Variants in RAPGEF6 observed in about 807,000 individuals in gnomAD.
RAPGEF6 encodes the protein PDZ domain containing guanine nucleotide exchange factor (GEF) 2.
A neutral mutation model predicts 171.4 loss-of-function variants in RAPGEF6; 56 were observed. That is an observed-to-expected ratio of 0.33 (90% confidence interval 0.26 to 0.41). The LOEUF is 0.41. RAPGEF6 is among the 10% of genes least tolerant of loss of function. The pLI is 1.00. For synonymous variants in RAPGEF6, 692 were observed against 650.1 expected, an observed-to-expected ratio of 1.06 and a Z score of -0.98; for missense variants, 1,674 against 1,921.4, an observed-to-expected ratio of 0.87 and a Z score of 2.41.
At chr5:131,632,680 T>C (rs1284813650) in intron 1 of RAPGEF6, among the ~76,000 whole-genome samples, 2 of 152,202 alleles carry the variant, frequency 1.3e-5, no homozygotes, top group Admixed American at 6.5e-5. Context: ...ACTATAGAGC[T>C]AATATATTCA....
At chr5:131,621,338 G>A (rs1765580445) in intron 1 of RAPGEF6, among the ~76,000 whole-genome samples, 1 of 151,872 alleles carries the variant, frequency 6.6e-6, no homozygotes, top group South Asian at 2.1e-4. Context: ...TGCCCAGGCT[G>A]AAGTGCAGTG....
At chr5:131,602,890 A>G (rs749474815) in intron 3 of RAPGEF6, among the ~76,000 whole-genome samples, 1 of 152,186 alleles carries the variant, frequency 6.6e-6, no homozygotes, top group Non-Finnish European at 1.5e-5. Flanking sequence ...ACACATACAA[A>G]AACAGAAAAA....
At chr5:131,554,391 T>G (rs1761104260) in intron 5 of RAPGEF6, among the ~76,000 whole-genome samples, 1 of 152,152 alleles carries the variant, frequency 6.6e-6, no homozygotes, top group Non-Finnish European at 1.5e-5. Flanking sequence ...ATTAAATACG[T>G]GGTTAAATAG....
intron 6 of RAPGEF6, among the ~76,000 whole-genome samples, chr5:131,528,480 G>A (rs1759141877): frequency 6.6e-6 from 1 of 150,400 alleles, no homozygotes; most frequent in South Asian, 2.1e-4. Flanking sequence ...GAAACTACAA[G>A]AGAAACATGG....
At chr5:131,612,150 T>G (rs1032952631) in intron 1 of RAPGEF6, among the ~76,000 whole-genome samples, 1 of 151,902 alleles carries the variant, frequency 6.6e-6, no homozygotes, top group Non-Finnish European at 1.5e-5. Flanking sequence ...TCCTCCCACG[T>G]TGGCCTTCCA....
intron 1 of RAPGEF6, among the ~76,000 whole-genome samples, chr5:131,618,926 T>C (rs1414367305): frequency 6.6e-6 from 1 of 151,932 alleles, no homozygotes; most frequent in African/African-American, 2.4e-5. Flanking sequence ...CTATGCAGTT[T>C]CTCAACAAAA....
chr5:131,634,839 C>T, intron 1 of RAPGEF6, 123 bp downstream of exon 1: 2 of 1,147,162 alleles, frequency 1.7e-6, no homozygotes, highest in Non-Finnish European at 2.6e-6. Flanking sequence ...GAGACTCAAG[C>T]GAACAGATTC....
At chr5:131,556,220 A>ACCTGAGGTGAT (rs1761228328) in intron 5 of RAPGEF6, among the ~76,000 whole-genome samples, 1 of 152,290 alleles carries the variant, frequency 6.6e-6, no homozygotes, top group East Asian at 1.9e-4. Context: ...TGGGTGGATC[A>ACCTGAGGTGAT]CCTGAGGTCA....
chr5:131,464,912 C>A (rs10068494), intron 17 of RAPGEF6, among the ~76,000 whole-genome samples: 4,681 of 152,226 alleles, frequency 0.031, 189 homozygotes, highest in African/African-American at 0.092. Context: ...CACATCCTTA[C>A]AAAAATTGTA....
chr5:131,535,023 G>A (rs1759671658), intron 6 of RAPGEF6, among the ~76,000 whole-genome samples: 1 of 152,072 alleles, frequency 6.6e-6, no homozygotes, highest in Non-Finnish European at 1.5e-5. Context: ...AAAAACTGCT[G>A]CCCAGTGTGA....
intron 4 of RAPGEF6, among the ~76,000 whole-genome samples, chr5:131,577,214 C>A (rs1762657871): frequency 6.6e-6 from 1 of 152,154 alleles, no homozygotes; most frequent in African/African-American, 2.4e-5. Context: ...TAGTCAGGTC[C>A]CTCAAGCAGT....
In RAPGEF6 at chr5:131,431,349, C is replaced by T. The variant is rs1283020416; in HGVS notation, c.3975G>A (p.Gly1325=). The T allele has an allele frequency of 1.3e-6, 2 of 1,583,448 alleles. No homozygotes were observed. Among genetic ancestry groups the T allele is most frequent in the East Asian group, 2.3e-5 (1 of 44,266 alleles). The stretch of plus-strand genomic sequence containing the variant: ...TTAGAGATGGCTTCAAGAGTGTCCA[C>T]CTAAAATTGGAGATAACGTACAATT... The part of the protein sequence containing the change: ...GIGDHSQHGP[G]WTLLKPSLIK... The change falls in exon 26 of 28, where the codon GGG becomes GGA. Residue 1325 remains glycine (G), a splice_region_variant and synonymous_variant. Transcript: ENST00000509018.
intron 19 of RAPGEF6, among the ~76,000 whole-genome samples, chr5:131,461,204 A>G (rs1404763859): frequency 1.3e-5 from 2 of 152,220 alleles, no homozygotes; most frequent in African/African-American, 4.8e-5. Flanking sequence ...CACCACATCC[A>G]GTGAACCTCA....
rs756994121 is a variant in RAPGEF6 at position 131,442,411 on chromosome 5, T to C, written c.3548A>G (p.Gln1183Arg). Reference sequence around the variant, plus strand: ...GGGGTGCAAATTAACAGCTGGCACCTGAAGCACCTGGCTTACTCTGTGGGG... The same window carrying C: ...GGGGTGCAAATTAACAGCTGGCACCCGAAGCACCTGGCTTACTCTGTGGGG... Reference protein sequence around the residue: ...HQPHRVSQVLQVPAVNLHPIR... With the variant: ...HQPHRVSQVLRVPAVNLHPIR... Residue 1183 changes from glutamine (Q) to arginine (R), a missense_variant, in exon 23 of 28, where the codon CAG (glutamine) becomes CGG (arginine). Gln to Arg is a conservative substitution (Grantham distance 43). Transcript: ENST00000509018. The C allele has an allele frequency of 6.2e-7, 1 of 1,614,058 alleles. No homozygotes were observed. Among genetic ancestry groups the C allele is most frequent in the Non-Finnish European group, 8.5e-7 (1 of 1,180,012 alleles).
chr5:131,527,041 T>C (rs1253770321), intron 6 of RAPGEF6, among the ~76,000 whole-genome samples: 2 of 152,132 alleles, frequency 1.3e-5, no homozygotes, highest in African/African-American at 4.8e-5. Context: ...ATAGACAATA[T>C]AGAGCTACTA....
chr5:131,464,461 TAAC>T, intron 17 of RAPGEF6, 180 bp from the exon 18 acceptor site: 2 of 534,798 alleles, frequency 3.7e-6, no homozygotes, highest in Non-Finnish European at 6.5e-6. Flanking sequence ...TTTTTTCAGA[TAAC>T]AAATCATTGA....
chr5:131,601,112 G>A (rs911964840), intron 3 of RAPGEF6, among the ~76,000 whole-genome samples: 9 of 150,944 alleles, frequency 6.0e-5, no homozygotes, highest in African/African-American at 2.2e-4. Context: ...GGCTGGGAGC[G>A]GTGGCTCACG....
intron 27 of RAPGEF6, 56 bp downstream of exon 27, chr5:131,428,846 C>A: frequency 3.4e-6 from 5 of 1,478,014 alleles, no homozygotes; most frequent in South Asian, 1.3e-5. Context: ...AAGTAAAGAC[C>A]ATTTAATGTG....
At chr5:131,625,642 C>T (rs533127560) in intron 1 of RAPGEF6, among the ~76,000 whole-genome samples, 127 of 151,954 alleles carry the variant, frequency 8.4e-4, no homozygotes, top group Non-Finnish European at 1.5e-3. Context: ...GGTGAAACCC[C>T]GTCTCTACTA....
Sources: allele counts gnomAD v4.1 joint callset (sites outside exome capture counted in the v4.1 genomes callset), GRCh38; gene constraint gnomAD v4.1.1; transcripts MANE v1.5; gene names NCBI Gene and HGNC (gene_info 2026-07-23, HGNC 2026-07-21).